HYDIN: variants seen among roughly 807,000 people sequenced by gnomAD.
The protein encoded by HYDIN is HYDIN axonemal central pair apparatus protein.
Under a neutral mutation model 403.9 loss-of-function variants are expected in HYDIN, and 132 were observed. That is an observed-to-expected ratio of 0.33 (90% CI 0.28 to 0.38). The LOEUF (loss-of-function observed/expected upper bound fraction) is 0.38, where lower values mean the gene tolerates loss of function less well. Among genes scored for constraint, HYDIN ranks in the 10% least tolerant of loss-of-function variants. HYDIN has a pLI of 1.00. For missense variants in HYDIN, 2,827 were observed against 5,009.5 expected (o/e 0.56, Z 13.15); for synonymous variants, 1,202 against 1,891.7 (o/e 0.64, Z 9.46).
intron 39 of HYDIN, among the ~76,000 whole-genome samples, chr16:70,956,586 G>A (rs979394811): frequency 1.2e-4 from 18 of 152,130 alleles, no homozygotes; most frequent in African/African-American, 4.1e-4. Context: ...GTTGGAGTCA[G>A]AGCAGGTCAA....
At chr16:70,951,135 T>C (rs1217706059) in intron 41 of HYDIN, among the ~76,000 whole-genome samples, 1 of 151,872 alleles carries the variant, frequency 6.6e-6, no homozygotes, top group Non-Finnish European at 1.5e-5. Context: ...CTTGGGAGGC[T>C]GGGGTGGAAG....
intron 20 of HYDIN, among the ~76,000 whole-genome samples, 192 bp from the exon 21 acceptor site, chr16:71,025,718 T>G (rs1021996724): frequency 2.4e-5 from 3 of 126,114 alleles, no homozygotes; most frequent in Non-Finnish European, 1.6e-5. Flanking sequence ...TAGTTACACA[T>G]GGCCTTGATG....
intron 2 of HYDIN, 98 bp downstream of exon 2, chr16:71,186,663 T>C (rs2087165853): frequency 2.2e-6 from 2 of 910,090 alleles, no homozygotes; most frequent in Non-Finnish European, 3.4e-6. Flanking sequence ...AATCAGTCAG[T>C]AATTCTGTTT....
At chr16:71,120,529 T>C (rs1399481923) in intron 9 of HYDIN, among the ~76,000 whole-genome samples, 4 of 146,440 alleles carry the variant, frequency 2.7e-5, no homozygotes, top group Non-Finnish European at 6.0e-5. Context: ...AGATGATAAA[T>C]ATGATCATGA....
chr16:71,011,216 C>A (rs2080071245), intron 23 of HYDIN, among the ~76,000 whole-genome samples: 1 of 152,048 alleles, frequency 6.6e-6, no homozygotes, highest in Non-Finnish European at 1.5e-5. Context: ...CTTGGCATGT[C>A]TCAGGGACAT....
chr16:71,012,593 C>A (rs2080124841), intron 23 of HYDIN, among the ~76,000 whole-genome samples: 1 of 152,234 alleles, frequency 6.6e-6, no homozygotes, highest in African/African-American at 2.4e-5. Flanking sequence ...CATGCACACG[C>A]ACCGCAGATG....
At position 70,837,737 on chromosome 16, in the gene HYDIN, G is replaced by C. The variant is rs772640668; in HGVS notation, c.13195C>G (p.Leu4399Val). Residue 4399 changes from leucine (L) to valine (V), a missense_variant, in exon 77 of 86, where the codon CTC becomes GTC. Coordinates refer to ENST00000393567, the MANE Select transcript of HYDIN (RefSeq NM_001270974.2). ...TTGATTTCGACTGTTTGTTGTGAGA[G>C]CCCATTGATTTCAAAGGGAATGAGT... is the stretch of plus-strand genomic sequence containing the variant. ...QELIPFEING[L>V]SQQTVEIKGK... 6.8e-6 allele frequency: 11 copies of C among 1,613,906 alleles called. No individual in the cohort carries two copies. In the South Asian group the frequency reaches 1.2e-4, roughly 18 times the overall value.
chr16:70,881,281 G>A (rs1386289146), intron 60 of HYDIN, among the ~76,000 whole-genome samples: 1 of 135,674 alleles, frequency 7.4e-6, no homozygotes, highest in Admixed American at 7.1e-5. Context: ...TAGTACAGAA[G>A]AGGAAGAAAG....
chr16:71,230,533 A>AC (rs2041235343), intron 1 of HYDIN, 29 bp downstream of exon 1: 1 of 1,517,454 alleles, frequency 6.6e-7, no homozygotes, highest in South Asian at 1.2e-5. Flanking sequence ...TCACACTTTG[A>AC]CCCCACAATC....
At chr16:71,089,591 G>A (rs1308894341) in intron 11 of HYDIN, among the ~76,000 whole-genome samples, 1 of 152,214 alleles carries the variant, frequency 6.6e-6, no homozygotes, top group Non-Finnish European at 1.5e-5. Flanking sequence ...CAGAGGTCAG[G>A]AGAGTAAGTC....
At chr16:70,923,498 G>T (rs2077058909) in intron 45 of HYDIN, among the ~76,000 whole-genome samples, 1 of 108,968 alleles carries the variant, frequency 9.2e-6, no homozygotes, top group East Asian at 2.5e-4. Flanking sequence ...AAGAAAGAAG[G>T]ATATTATTAA....
At chr16:71,195,259 AAAAAAAAAAG>A (rs941077844) in intron 1 of HYDIN, among the ~76,000 whole-genome samples, 4 of 152,042 alleles carry the variant, frequency 2.6e-5, no homozygotes, top group Admixed American at 1.3e-4. Flanking sequence ...TGGTTTAAAA[AAAAAAAAAAG>A]AAAAGAAAAA....
chr16:71,033,636 G>C (rs574954599), intron 18 of HYDIN, among the ~76,000 whole-genome samples: 3 of 151,992 alleles, frequency 2.0e-5, no homozygotes, highest in African/African-American at 4.8e-5. Context: ...TCAGGGGTCG[G>C]GGGGCAGGGG....
intron 43 of HYDIN, among the ~76,000 whole-genome samples, chr16:70,939,081 A>G (rs2077589271): frequency 6.6e-6 from 1 of 152,210 alleles, no homozygotes; most frequent in African/African-American, 2.4e-5. Context: ...TGGGGGGCCC[A>G]GTCTAATTAT....
intron 35 of HYDIN, 28 bp from the exon 36 acceptor site, chr16:70,970,787 T>A (rs748359397): frequency 1.3e-6 from 2 of 1,596,496 alleles, no homozygotes; most frequent in East Asian, 4.5e-5. Context: ...AAAACAAGCA[T>A]CTGAGTTTAT....
intron 39 of HYDIN, chr16:70,959,327 C>T (rs959529405): frequency 1.9e-4 from 37 of 189,866 alleles, no homozygotes; most frequent in Middle Eastern, 2.1e-3. Flanking sequence ...AACAGCTTTT[C>T]GTTTGAGTAT....
chr16:70,877,663 A>G (rs1026995173), intron 62 of HYDIN, among the ~76,000 whole-genome samples: 3 of 152,102 alleles, frequency 2.0e-5, no homozygotes, highest in African/African-American at 7.2e-5. Flanking sequence ...TGAGAATCTA[A>G]TGCCGCTGCT....
chr16:70,904,677 T>C (rs2076486245), intron 50 of HYDIN, among the ~76,000 whole-genome samples: 1 of 147,828 alleles, frequency 6.8e-6, no homozygotes, highest in Admixed American at 6.8e-5. Flanking sequence ...ATTTTTTGTA[T>C]TTTTAGTAGA....
chr16:71,028,578 C>T (rs61352161), intron 19 of HYDIN, among the ~76,000 whole-genome samples: 10,751 of 111,776 alleles, frequency 0.096, no homozygotes, highest in African/African-American at 0.18. Flanking sequence ...TTTTTTTTTT[C>T]CCCACAGGCT....
Sources: gnomAD v4.1 joint callset for allele counts (sites outside exome capture counted in the v4.1 genomes callset) on GRCh38, gnomAD v4.1.1 for gene constraint, MANE v1.5 for transcripts, NCBI Gene and HGNC (gene_info 2026-07-23, HGNC 2026-07-21) for gene names.